ARHGEF28: variants seen among roughly 807,000 people sequenced by gnomAD.
ARHGEF28 encodes the protein 190 kDa guanine nucleotide exchange factor.
ARHGEF28 carries 152 observed loss-of-function variants against 206.6 expected under a neutral mutation model. The ratio of observed to expected loss-of-function variants is 0.74; its 90% CI spans 0.64 to 0.84. The LOEUF (loss-of-function observed/expected upper bound fraction) is 0.84. Ranked by LOEUF, ARHGEF28 falls within the 40% of genes least tolerant of loss-of-function variation. The pLI is 0.00. For synonymous variants in ARHGEF28, 763 were observed against 776.4 expected, an observed-to-expected ratio of 0.98 and a Z score of 0.29; for missense variants, 2,028 against 2,073.2, an observed-to-expected ratio of 0.98 and a Z score of 0.42.
At chr5:73,925,020 A>C (rs1358803856) in intron 35 of ARHGEF28, among the ~76,000 whole-genome samples, 1 of 152,216 alleles carries the variant, frequency 6.6e-6, no homozygotes, top group Non-Finnish European at 1.5e-5. Flanking sequence ...ATGATTTGCC[A>C]CATGGGTTGT....
intron 13 of ARHGEF28, among the ~76,000 whole-genome samples, chr5:73,849,668 A>G (rs1215499535): frequency 2.0e-5 from 3 of 152,072 alleles, no homozygotes. Context: ...AAGGAGTGCA[A>G]ATCATAAATA....
At chr5:73,825,216 G>C (rs768906587) in intron 9 of ARHGEF28, among the ~76,000 whole-genome samples, 1 of 152,228 alleles carries the variant, frequency 6.6e-6, no homozygotes, top group Non-Finnish European at 1.5e-5. Flanking sequence ...AGGGGCATGA[G>C]TGAAAATAAA....
intron 4 of ARHGEF28, among the ~76,000 whole-genome samples, chr5:73,773,106 C>T (rs1388074736): frequency 6.6e-6 from 1 of 152,168 alleles, no homozygotes; most frequent in African/African-American, 2.4e-5. Flanking sequence ...AAATGGCTTT[C>T]ATTTGCCAGA....
At chr5:73,666,182 C>A (rs1305243573) in intron 1 of ARHGEF28, among the ~76,000 whole-genome samples, 1 of 152,152 alleles carries the variant, frequency 6.6e-6, no homozygotes, top group African/African-American at 2.4e-5. Flanking sequence ...TAAAACCCAA[C>A]AGGAAAAATA....
intron 10 of ARHGEF28, among the ~76,000 whole-genome samples, chr5:73,832,830 A>T (rs1757384377): frequency 6.6e-6 from 1 of 152,366 alleles, no homozygotes; most frequent in East Asian, 1.9e-4. Flanking sequence ...TTTGTATTCA[A>T]ATCCAGCAAA....
At chr5:73,733,927 C>T (rs1248608751) in intron 2 of ARHGEF28, among the ~76,000 whole-genome samples, 1 of 152,084 alleles carries the variant, frequency 6.6e-6, no homozygotes, top group Admixed American at 6.6e-5. Context: ...GGGGAGCACA[C>T]AGTCACATGG....
intron 35 of ARHGEF28, among the ~76,000 whole-genome samples, chr5:73,916,481 T>C (rs564303267): frequency 6.6e-6 from 1 of 152,320 alleles, no homozygotes; most frequent in South Asian, 2.1e-4. Context: ...GTTGGCAGCG[T>C]TGGTTTCTTC....
chr5:73,833,292 C>A (rs1757414934), intron 10 of ARHGEF28, among the ~76,000 whole-genome samples: 1 of 152,082 alleles, frequency 6.6e-6, no homozygotes, highest in South Asian at 2.1e-4. Context: ...AGACATTTAA[C>A]CCTTTTATGT....
At chr5:73,685,429 G>A (rs568725569) in intron 2 of ARHGEF28, among the ~76,000 whole-genome samples, 5 of 152,094 alleles carry the variant, frequency 3.3e-5, no homozygotes, top group Non-Finnish European at 7.4e-5. Flanking sequence ...TGAACAGATT[G>A]TTTCCTCACA....
At chr5:73,746,472 A>G (rs1198246245) in intron 2 of ARHGEF28, among the ~76,000 whole-genome samples, 3 of 152,100 alleles carry the variant, frequency 2.0e-5, no homozygotes, top group African/African-American at 4.8e-5. Context: ...ATGAATAAAG[A>G]CTGGAAGAGA....
intron 9 of ARHGEF28, among the ~76,000 whole-genome samples, chr5:73,818,125 A>G (rs1406670190): frequency 1.3e-5 from 2 of 152,140 alleles, no homozygotes; most frequent in Non-Finnish European, 2.9e-5. Context: ...AGTGCTTTCC[A>G]CTGTGGCCTG....
At chr5:73,642,330 G>A (rs1045525471) in intron 1 of ARHGEF28, among the ~76,000 whole-genome samples, 1 of 152,086 alleles carries the variant, frequency 6.6e-6, no homozygotes, top group African/African-American at 2.4e-5. Context: ...TGTAAAACAG[G>A]GTTTTGTTTT....
chr5:73,936,745 T>C (rs1175130463), intron 35 of ARHGEF28, among the ~76,000 whole-genome samples: 1 of 152,232 alleles, frequency 6.6e-6, no homozygotes, highest in Non-Finnish European at 1.5e-5. Flanking sequence ...TATTTTTATT[T>C]TTTGTAGAGA....
chr5:73,826,573 T>C lies in ARHGEF28; in HGVS notation c.1025-5765T>C, dbSNP rs945249705. Among the ~76,000 whole-genome samples the C allele has an allele frequency of 2.6e-4, 39 of 152,280 alleles. 1 individual carries two copies. The Middle Eastern group carries it at 0.01, about 40-fold the overall frequency. ...CCAGTCAAGTAGGCCACATTTTGCT[T>C]TAGCTACAAGGCTCTTAGCTTCTTA... On this transcript the variant is annotated intron_variant, in intron 9 of 35. Transcript: ENST00000513042.
rs559175532 is a variant in ARHGEF28 at position 73,909,852 on chromosome 5, C to T, written c.4602C>T (p.Gly1534=). The part of the protein sequence containing the change: ...QQSLLGHWKH[G]RQRSLPAVLL... ...GCCTGCTGGGCCACTGGAAGCACGG[C>T]CGGCAGAGGAGCCTGCCCGCGGTGC... is the stretch of plus-strand genomic sequence containing the variant. The change falls in exon 34 of 36, where the codon GGC becomes GGT. Residue 1534 remains glycine, a synonymous_variant. Transcript: ENST00000513042. The T allele has an allele frequency of 1.9e-5, 30 of 1,539,182 alleles. No individual in the cohort carries two copies. The East Asian group carries it at 6.4e-4, about 33-fold the overall frequency.
At chr5:73,662,695 A>C (rs1158497888) in intron 1 of ARHGEF28, among the ~76,000 whole-genome samples, 1 of 152,218 alleles carries the variant, frequency 6.6e-6, no homozygotes, top group African/African-American at 2.4e-5. Context: ...TTAAATTATA[A>C]TGTAAGCTAA....
intron 2 of ARHGEF28, among the ~76,000 whole-genome samples, chr5:73,730,642 C>T (rs1580537008): frequency 6.6e-6 from 1 of 151,332 alleles, no homozygotes; most frequent in African/African-American, 2.4e-5. Context: ...TCAGGTGATC[C>T]TCCTACCTCA....
rs765971607 is a variant in ARHGEF28, at chr5:73,753,104, C to A, written c.377C>A (p.Ala126Glu). 1 of 1,596,498 alleles carries A rather than the reference C, an allele frequency of 6.3e-7. No individual in the cohort carries two copies. The highest frequency in any genetic ancestry group is 1.7e-5 in the Admixed American group (1 of 58,730). The stretch of plus-strand genomic sequence containing the variant: ...CTGCTGACCCCATTTGCCTTGACGG[C>A]AGGAGCACTGCCTGCCTTGGATGAG... ...QTLLTPFALT[A>E]GALPALDEEL... Residue 126 changes from alanine (A) to glutamate (E), a missense_variant, in exon 4 of 36, where the codon GCA (alanine) becomes GAA (glutamate). By Grantham distance (107) the Ala-to-Glu change is moderately radical. Coordinates refer to ENST00000513042, the MANE Select transcript of ARHGEF28 (RefSeq NM_001177693.2).
rs1177963865 is a variant in ARHGEF28 at position 73,832,430 on chromosome 5, G to A, written c.1117G>A (p.Val373Ile). 1.2e-6 allele frequency: 2 copies of A among 1,612,446 alleles called. No homozygotes were observed. Among genetic ancestry groups the A allele is most frequent in the Admixed American group, 1.7e-5 (1 of 59,860 alleles). Residue 373 changes from valine to isoleucine, a missense_variant, in exon 10 of 36, where the codon GTC (valine) becomes ATC (isoleucine). Physicochemically the swap from Val to Ile is conservative, Grantham distance 29. Coordinates refer to ENST00000513042, the MANE Select transcript of ARHGEF28 (RefSeq NM_001177693.2). ...LSDMLNGGDE[V>I]YANCMVIDQV... The stretch of plus-strand genomic sequence containing the variant: ...AGACATGCTGAATGGAGGTGATGAA[G>A]TCTACGCTAACTGTATGGTGATTGA...
Sources: gnomAD v4.1 joint callset for allele counts (sites outside exome capture counted in the v4.1 genomes callset) on GRCh38, gnomAD v4.1.1 for gene constraint, MANE v1.5 for transcripts, NCBI Gene and HGNC (gene_info 2026-07-23, HGNC 2026-07-21) for gene names.